The following NOL4L variants were observed in gnomAD, a reference collection of about 807,000 sequenced individuals.
The protein encoded by NOL4L is nucleolar protein 4-like.
In NOL4L, 7 loss-of-function variants were observed where a neutral mutation model predicts 64.5. The observed-to-expected ratio is 0.11, with a 90% CI of 0.06 to 0.20. NOL4L has a LOEUF of 0.20. Ranked by LOEUF, NOL4L falls within the 10% of genes least tolerant of loss-of-function variation. The pLI, the probability that NOL4L is intolerant of heterozygous loss-of-function variation, is 1.00. For synonymous variants in NOL4L, 413 were observed against 401.0 expected (o/e 1.03, Z -0.36); for missense variants, 680 against 967.1 (o/e 0.70, Z 3.94).
intron 5 of NOL4L, among the ~76,000 whole-genome samples, chr20:32,473,870 G>A (rs537123403): frequency 3.2e-4 from 48 of 152,334 alleles, no homozygotes; most frequent in Middle Eastern, 3.4e-3. Flanking sequence ...ATGCTGGGGT[G>A]CTGTGCTCAC....
At chr20:32,504,230 A>G (rs2017041170) in intron 4 of NOL4L, among the ~76,000 whole-genome samples, 1 of 152,018 alleles carries the variant, frequency 6.6e-6, no homozygotes, top group African/African-American at 2.4e-5. Flanking sequence ...TCTACATTCT[A>G]TTTCTAGTCC....
chr20:32,501,757 A>G (rs562664679), intron 4 of NOL4L, among the ~76,000 whole-genome samples: 55 of 152,322 alleles, frequency 3.6e-4, no homozygotes, highest in African/African-American at 1.3e-3. Flanking sequence ...TTAAGACTCA[A>G]ATGCAGAAGC....
In NOL4L at chr20:32,464,258, C is replaced by T. The variant is rs563349947; in HGVS notation, c.842-7863G>A. Among the ~76,000 whole-genome samples the T allele has an allele frequency of 1.3e-5, 2 of 152,334 alleles. No individual in the cohort carries two copies. Among genetic ancestry groups the T allele is most frequent in the South Asian group, 4.1e-4 (2 of 4,830 alleles). On this transcript the variant is annotated intron_variant, in intron 5 of 10. Transcript: ENST00000621426. The surrounding 1 kb of genome is among the most constrained non-coding windows in gnomAD (Gnocchi z 5.6). ...GGCTGTGTTTACACGATGCGTAGTT[C>T]CAAGGAGCACCAGGCTCAGGGCAGG...
At chr20:32,487,657 G>A (rs918763579) in intron 4 of NOL4L, among the ~76,000 whole-genome samples, 4 of 152,212 alleles carry the variant, frequency 2.6e-5, no homozygotes. Flanking sequence ...GCAACATCCT[G>A]AACATCCCCC....
At chr20:32,485,937 A>G (rs2016070366) in intron 4 of NOL4L, among the ~76,000 whole-genome samples, 1 of 152,172 alleles carries the variant, frequency 6.6e-6, no homozygotes, top group Admixed American at 6.5e-5. Context: ...CAGATAACCC[A>G]CCTCTTCTCT....
chr20:32,524,898 A>C (rs2018074781), intron 2 of NOL4L, among the ~76,000 whole-genome samples: 1 of 152,192 alleles, frequency 6.6e-6, no homozygotes, highest in Non-Finnish European at 1.5e-5. Flanking sequence ...GAAGGGGAAA[A>C]GGAGAGGAGG....
chr20:32,452,409 T>C lies in NOL4L; in HGVS notation c.1649A>G (p.His550Arg), dbSNP rs758077558. 1 of 1,608,108 alleles carries C rather than the reference T, an allele frequency of 6.2e-7. No individual in the cohort carries two copies. Among genetic ancestry groups the C allele is most frequent in the East Asian group, 2.2e-5 (1 of 44,630 alleles). Reference protein sequence around the residue: ...QDEPIALDKQHSRDSAAITHS... With the variant: ...QDEPIALDKQRSRDSAAITHS... ...GGTGATGGCTGCGGAGTCCCGCGAGTGCTGCTTGTCCAGGGCTATGGGCTC... is the reference window on the plus strand; with the variant it reads ...GGTGATGGCTGCGGAGTCCCGCGAGCGCTGCTTGTCCAGGGCTATGGGCTC... The change falls in exon 10 of 11, where the codon CAC becomes CGC. Residue 550 changes from histidine to arginine, a missense_variant. Transcript: ENST00000621426.
intron 1 of NOL4L, among the ~76,000 whole-genome samples, chr20:32,554,192 G>A (rs1318375803): frequency 1.3e-5 from 2 of 150,960 alleles, no homozygotes; most frequent in African/African-American, 2.4e-5. Flanking sequence ...GTGGTGGCAG[G>A]TGCCTGTAGT....
intron 1 of NOL4L, chr20:32,573,659 A>C: frequency 4.6e-6 from 1 of 218,646 alleles, no homozygotes; most frequent in Non-Finnish European, 9.4e-6. Flanking sequence ...CAGAGAGGGG[A>C]AGTAACTTAC....
intron 1 of NOL4L, among the ~76,000 whole-genome samples, chr20:32,574,613 C>T (rs75250460): frequency 1.8e-4 from 27 of 152,274 alleles, no homozygotes; most frequent in African/African-American, 6.3e-4. Context: ...GGAAGGGCCC[C>T]ATGTCTCCTT....
intron 1 of NOL4L, among the ~76,000 whole-genome samples, chr20:32,581,442 C>T (rs1703956222): frequency 6.6e-6 from 1 of 152,182 alleles, no homozygotes; most frequent in South Asian, 2.1e-4. Flanking sequence ...CCGAGGCTGG[C>T]CGGGACTAGG....
Position 32,451,988 on chromosome 20 carries a change from C to T in NOL4L, c.1822+248G>A, listed in dbSNP as rs115137092. On this transcript the variant is annotated intron_variant, in intron 10 of 10. Transcript: ENST00000621426. The stretch of plus-strand genomic sequence containing the variant: ...GAAGTGTTGGAGCAAGCGTCACTGG[C>T]GGTGAGAAGGGGGCGGTAGGTTTTT... 4.4e-3 allele frequency among the ~76,000 whole-genome samples: 674 copies of T among 152,284 alleles called. 8 individuals carry two copies. The highest frequency in any genetic ancestry group is 0.013 in the African/African-American group (531 of 41,560).
At chr20:32,506,701 T>C (rs1452842621) in intron 4 of NOL4L, among the ~76,000 whole-genome samples, 2 of 152,176 alleles carry the variant, frequency 1.3e-5, no homozygotes, top group Non-Finnish European at 2.9e-5. Flanking sequence ...CTGAACTTCC[T>C]GGCACTAGCC....
intron 1 of NOL4L, among the ~76,000 whole-genome samples, chr20:32,529,082 T>G (rs2018249872): frequency 6.6e-6 from 1 of 152,176 alleles, no homozygotes; most frequent in Non-Finnish European, 1.5e-5. Flanking sequence ...AAATAATGAC[T>G]GAATGACTGA....
intron 1 of NOL4L, among the ~76,000 whole-genome samples, chr20:32,565,549 G>A (rs1284644790): frequency 6.6e-6 from 1 of 152,170 alleles, no homozygotes; most frequent in East Asian, 1.9e-4. Flanking sequence ...AGGACAGCCT[G>A]GTCTTAGCCC....
chr20:32,564,308 A>C, intron 1 of NOL4L, among the ~76,000 whole-genome samples: 1 of 152,246 alleles, frequency 6.6e-6, no homozygotes, highest in East Asian at 1.9e-4. Flanking sequence ...CGAACGTTCC[A>C]GCATCTTCTG....
At chr20:32,515,316 T>C (rs1293842290) in intron 3 of NOL4L, among the ~76,000 whole-genome samples, 1 of 152,010 alleles carries the variant, frequency 6.6e-6, no homozygotes, top group East Asian at 1.9e-4. Flanking sequence ...CTTACATTGC[T>C]GTAAGGTGAA....
chr20:32,447,052 C>G lies in NOL4L; in HGVS notation c.*544G>C, dbSNP rs2012361949. 2.8e-6 allele frequency: 1 copy of G among 358,594 alleles called. No homozygotes were observed. Among genetic ancestry groups the G allele is most frequent in the Non-Finnish European group, 5.4e-6 (1 of 183,746 alleles). The allele number at this position is 358,594 out of a possible 1,614,324, so 22.2% of individuals were successfully genotyped here. ...CCTGTCCTGCCCCTACTGGCCCCAG[C>G]CCACATCAGTGTAGTGATATGGAAT... On this transcript the variant is annotated 3_prime_UTR_variant, in exon 11 of 11. Coordinates refer to ENST00000621426, the MANE Select transcript of NOL4L (RefSeq NM_001256798.2).
chr20:32,466,317 T>C (rs2145462243), intron 5 of NOL4L, among the ~76,000 whole-genome samples: 1 of 152,206 alleles, frequency 6.6e-6, no homozygotes, highest in Non-Finnish European at 1.5e-5. Flanking sequence ...GCCCCAGAGC[T>C]TGTCCTCCCC....
Sources: allele counts gnomAD v4.1 joint callset (sites outside exome capture counted in the v4.1 genomes callset), GRCh38; gene constraint gnomAD v4.1.1; non-coding constraint Gnocchi (gnomAD v3.1); transcripts MANE v1.5; gene names NCBI Gene and HGNC (gene_info 2026-07-23, HGNC 2026-07-21).